The following ZNF804B variants were observed in gnomAD, a reference collection of about 807,000 sequenced individuals.
ZNF804B encodes zinc finger 804B.
In ZNF804B, 80 loss-of-function variants were observed where a neutral mutation model predicts 101.4. The observed-to-expected ratio is 0.79, with a 90% CI of 0.66 to 0.95. The LOEUF (loss-of-function observed/expected upper bound fraction) is 0.95. Ranked by LOEUF, ZNF804B falls within the 40% of genes least tolerant of loss-of-function variation. ZNF804B has a pLI of 0.00. For synonymous variants in ZNF804B, 622 were observed against 558.8 expected, an observed-to-expected ratio of 1.11 and a Z score of -1.59; for missense variants, 1,673 against 1,561.9, an observed-to-expected ratio of 1.07 and a Z score of -1.20.
chr7:88,931,033 T>G (rs1449847232), intron 1 of ZNF804B, among the ~76,000 whole-genome samples: 4 of 151,874 alleles, frequency 2.6e-5, no homozygotes, highest in Non-Finnish European at 5.9e-5. Context: ...ATTCAGTAGT[T>G]TCTGCACACC....
At chr7:88,854,884 T>C (rs1313439068) in intron 1 of ZNF804B, among the ~76,000 whole-genome samples, 1 of 151,412 alleles carries the variant, frequency 6.6e-6, no homozygotes, top group Non-Finnish European at 1.5e-5. Flanking sequence ...GATAGTTTGT[T>C]GAGAATGATG....
chr7:88,947,481 C>A (rs1173991043), intron 1 of ZNF804B, among the ~76,000 whole-genome samples: 5 of 151,156 alleles, frequency 3.3e-5, no homozygotes, highest in African/African-American at 1.2e-4. Context: ...CACGTGGACA[C>A]AGGGAGGGGA....
chr7:89,055,039 A>G (rs1789269233), intron 1 of ZNF804B, among the ~76,000 whole-genome samples: 1 of 152,144 alleles, frequency 6.6e-6, no homozygotes, highest in Non-Finnish European at 1.5e-5. Context: ...AATTACTATT[A>G]TAAACAGAGT....
intron 1 of ZNF804B, among the ~76,000 whole-genome samples, chr7:88,992,260 C>T (rs1483308637): frequency 6.6e-6 from 1 of 152,142 alleles, no homozygotes; most frequent in Non-Finnish European, 1.5e-5. Context: ...TATTAACTCT[C>T]CTTTTTCTCT....
chr7:89,222,029 A>C (rs535429736), intron 2 of ZNF804B, among the ~76,000 whole-genome samples: 2 of 152,088 alleles, frequency 1.3e-5, no homozygotes, highest in South Asian at 4.1e-4. Flanking sequence ...GAGCACACAA[A>C]ACTGATTCCA....
rs79024448 is a variant in ZNF804B, at chr7:89,071,230, A to C, written c.109-146925A>C. Among the ~76,000 whole-genome samples, 607 of 152,242 alleles carry C rather than the reference A, an allele frequency of 4.0e-3. 1 individual carries two copies. The highest frequency in any genetic ancestry group is 0.014 in the African/African-American group (582 of 41,562). On this transcript the variant is annotated intron_variant, in intron 1 of 3. Coordinates refer to ENST00000333190, the MANE Select transcript of ZNF804B (RefSeq NM_181646.5). ...GATCTGAGGTTGGTTCACCCCATGC[A>C]TGTGGAACCCACTCAATTCAAGGGT...
At chr7:89,001,344 TTTTCC>T (rs1312283942) in intron 1 of ZNF804B, among the ~76,000 whole-genome samples, 3 of 151,498 alleles carry the variant, frequency 2.0e-5, no homozygotes, top group East Asian at 1.9e-4. Flanking sequence ...ATATTCTTTT[TTTTCC>T]TTTCCTTTTC....
chr7:89,034,075 A>G (rs1788884674), intron 1 of ZNF804B, among the ~76,000 whole-genome samples: 1 of 152,000 alleles, frequency 6.6e-6, no homozygotes, highest in Non-Finnish European at 1.5e-5. Flanking sequence ...AGTTGTATCT[A>G]TTGTATTTAT....
intron 2 of ZNF804B, among the ~76,000 whole-genome samples, chr7:89,312,443 C>G (rs978619554): frequency 4.6e-5 from 7 of 152,210 alleles, no homozygotes; most frequent in African/African-American, 1.7e-4. Flanking sequence ...TAACTCAACA[C>G]TTCCAAGGAA....
chr7:89,177,271 C>G (rs1791336699), intron 1 of ZNF804B, among the ~76,000 whole-genome samples: 1 of 152,152 alleles, frequency 6.6e-6, no homozygotes, highest in Non-Finnish European at 1.5e-5. Context: ...AAACTTTCCT[C>G]TTAGTACTAC....
intron 1 of ZNF804B, among the ~76,000 whole-genome samples, chr7:88,994,407 A>G (rs530290205): frequency 6.6e-6 from 1 of 152,188 alleles, no homozygotes; most frequent in East Asian, 1.9e-4. Flanking sequence ...AGATTGAAAC[A>G]TGCAAGTGAC....
intron 1 of ZNF804B, among the ~76,000 whole-genome samples, chr7:88,902,624 GA>G (rs1792409369): frequency 2.0e-5 from 3 of 151,810 alleles, no homozygotes; most frequent in African/African-American, 4.8e-5. Flanking sequence ...TTTTTTTCAG[GA>G]GCTTAGATTT....
chr7:89,219,721 G>A lies in ZNF804B; in HGVS notation c.249+1426G>A, dbSNP rs528111283. 6.8e-5 allele frequency among the ~76,000 whole-genome samples: 7 copies of A among 103,518 alleles called. No homozygotes were observed. The East Asian group carries it at 1.4e-3, about 21-fold the overall frequency. The allele number at this position is 103,518 out of a possible 152,430, so 67.9% of individuals were successfully genotyped here. On this transcript the variant is annotated intron_variant, in intron 2 of 3. Transcript: ENST00000333190. Reference sequence around the variant, plus strand: ...CACATTCCTGATACCAAATGGACCTGGCATGTTGGAATGTGTGGGTAAGTC... The same window carrying A: ...CACATTCCTGATACCAAATGGACCTAGCATGTTGGAATGTGTGGGTAAGTC...
intron 1 of ZNF804B, among the ~76,000 whole-genome samples, chr7:88,869,257 G>A (rs1791780227): frequency 6.6e-6 from 1 of 152,060 alleles, no homozygotes; most frequent in Non-Finnish European, 1.5e-5. Context: ...ATAAAACATG[G>A]CATTTATTTT....
intron 1 of ZNF804B, among the ~76,000 whole-genome samples, chr7:88,859,373 A>G (rs1791616219): frequency 1.3e-5 from 2 of 152,112 alleles, no homozygotes; most frequent in African/African-American, 4.8e-5. Context: ...GATATAAGCC[A>G]GTTTAATAAA....
chr7:89,227,581 T>C (rs1345495058), intron 2 of ZNF804B, among the ~76,000 whole-genome samples: 1 of 152,214 alleles, frequency 6.6e-6, no homozygotes. Context: ...GATTGAAGTG[T>C]ACAGAGAATA....
At chr7:89,030,304 A>G (rs1166853746) in intron 1 of ZNF804B, among the ~76,000 whole-genome samples, 1 of 152,190 alleles carries the variant, frequency 6.6e-6, no homozygotes, top group African/African-American at 2.4e-5. Context: ...TTTATTTAGC[A>G]TATTTTCAAG....
At chr7:89,127,996 A>G (rs1055850330) in intron 1 of ZNF804B, among the ~76,000 whole-genome samples, 2 of 151,778 alleles carry the variant, frequency 1.3e-5, no homozygotes, top group Admixed American at 1.3e-4. Flanking sequence ...ATAATCTTTT[A>G]TAACTTGTTT....
At chr7:89,043,275 C>G (rs1226413346) in intron 1 of ZNF804B, among the ~76,000 whole-genome samples, 1 of 152,196 alleles carries the variant, frequency 6.6e-6, no homozygotes, top group African/African-American at 2.4e-5. Flanking sequence ...TGAAGATATT[C>G]ATGACTCAGT....
Sources: allele counts gnomAD v4.1 joint callset (sites outside exome capture counted in the v4.1 genomes callset), GRCh38; gene constraint gnomAD v4.1.1; transcripts MANE v1.5; gene names NCBI Gene and HGNC (gene_info 2026-07-23, HGNC 2026-07-21).